Variants in MEGF11 observed in about 807,000 individuals in gnomAD.
MEGF11 encodes multiple EGF like domains 11, also known as multiple epidermal growth factor-like domains protein 11.
In MEGF11, 126 loss-of-function variants were observed where a neutral mutation model predicts 146.6. The ratio of observed to expected loss-of-function variants is 0.86; its 90% CI spans 0.74 to 1.00. MEGF11 has a LOEUF of 1.00. Among genes scored for constraint, MEGF11 ranks in the 50% least tolerant of loss-of-function variants. The pLI is 0.00. For missense variants in MEGF11, 1,509 were observed against 1,521.2 expected, an observed-to-expected ratio of 0.99 and a Z score of 0.13; for synonymous variants, 532 against 583.4, an observed-to-expected ratio of 0.91 and a Z score of 1.27.
chr15:65,957,167 T>G (rs1386473120), intron 10 of MEGF11, among the ~76,000 whole-genome samples: 1 of 152,132 alleles, frequency 6.6e-6, no homozygotes, highest in Non-Finnish European at 1.5e-5. Context: ...CCATTTAAAA[T>G]GATAATTAAG....
At chr15:66,023,552 C>T (rs1003791802) in intron 5 of MEGF11, among the ~76,000 whole-genome samples, 5 of 152,224 alleles carry the variant, frequency 3.3e-5, no homozygotes, top group Non-Finnish European at 7.3e-5. Flanking sequence ...TTATGAATCC[C>T]TCTTAGCTGG....
intron 5 of MEGF11, among the ~76,000 whole-genome samples, chr15:66,088,005 C>T (rs1459390748): frequency 6.6e-6 from 1 of 152,164 alleles, no homozygotes; most frequent in Non-Finnish European, 1.5e-5. Context: ...ACAACTGACG[C>T]CACAGAAATA....
chr15:66,218,258 G>A (rs2091637432), intron 1 of MEGF11, among the ~76,000 whole-genome samples: 1 of 152,172 alleles, frequency 6.6e-6, no homozygotes, highest in African/African-American at 2.4e-5. Flanking sequence ...GCTAACTGAT[G>A]AGTTGCCATT....
intron 1 of MEGF11, among the ~76,000 whole-genome samples, chr15:66,161,725 G>A (rs1419655442): frequency 3.3e-5 from 5 of 152,144 alleles, no homozygotes; most frequent in Admixed American, 3.3e-4. Context: ...TATGATTTAA[G>A]TGAGGATGAG....
At chr15:66,176,573 G>A (rs192484313) in intron 1 of MEGF11, among the ~76,000 whole-genome samples, 10 of 152,296 alleles carry the variant, frequency 6.6e-5, no homozygotes, top group Non-Finnish European at 1.5e-5. Context: ...AACTCAATGG[G>A]CACACACGGC....
At chr15:66,083,392 G>A (rs2085977248) in intron 5 of MEGF11, among the ~76,000 whole-genome samples, 1 of 152,150 alleles carries the variant, frequency 6.6e-6, no homozygotes, top group Admixed American at 6.5e-5. Context: ...AGAGTCTCTA[G>A]CAAAAGTCTT....
At chr15:66,205,247 C>A (rs1013773168) in intron 1 of MEGF11, among the ~76,000 whole-genome samples, 5 of 152,032 alleles carry the variant, frequency 3.3e-5, no homozygotes, top group African/African-American at 1.2e-4. Context: ...TTGCGATCAG[C>A]CTGGGCAATA....
At chr15:66,231,442 A>G (rs534488959) in intron 1 of MEGF11, among the ~76,000 whole-genome samples, 39 of 151,788 alleles carry the variant, frequency 2.6e-4, no homozygotes, top group African/African-American at 8.7e-4. Flanking sequence ...AAGAAGGCAC[A>G]TGAGGCCCTT....
intron 5 of MEGF11, among the ~76,000 whole-genome samples, chr15:66,086,147 A>G (rs1018316803): frequency 6.6e-6 from 1 of 152,202 alleles, no homozygotes; most frequent in African/African-American, 2.4e-5. Context: ...AAAGCCTCCA[A>G]GAAGTCTGGG....
At chr15:65,990,880 GA>G (rs1408475910) in intron 5 of MEGF11, among the ~76,000 whole-genome samples, 2 of 152,110 alleles carry the variant, frequency 1.3e-5, no homozygotes, top group Non-Finnish European at 2.9e-5. Flanking sequence ...GTGTTTGTAT[GA>G]AAAAGAAAAA....
At chr15:65,989,496 G>T (rs1424370500) in intron 5 of MEGF11, among the ~76,000 whole-genome samples, 1 of 152,240 alleles carries the variant, frequency 6.6e-6, no homozygotes, top group Non-Finnish European at 1.5e-5. Flanking sequence ...TCACGGGATT[G>T]CTCCTGAGTT....
At chr15:66,075,375 A>G (rs1227876721) in intron 5 of MEGF11, among the ~76,000 whole-genome samples, 2 of 152,208 alleles carry the variant, frequency 1.3e-5, no homozygotes, top group African/African-American at 4.8e-5. Context: ...TCCAGCAGAG[A>G]AATCAGAAGC....
chr15:65,905,291 A>G (rs1208942634), intron 24 of MEGF11: 1 of 152,228 alleles, frequency 6.6e-6, no homozygotes. Flanking sequence ...TGGTGATTTT[A>G]TTGGTTACTC....
At chr15:65,981,825 G>A (rs1166826520) in intron 6 of MEGF11, among the ~76,000 whole-genome samples, 2 of 152,278 alleles carry the variant, frequency 1.3e-5, no homozygotes, top group African/African-American at 2.4e-5. Flanking sequence ...TGTCCCAAAT[G>A]CCCTAGAAGG....
At chr15:66,195,493 T>A (rs981119088) in intron 1 of MEGF11, among the ~76,000 whole-genome samples, 5 of 152,066 alleles carry the variant, frequency 3.3e-5, no homozygotes, top group Admixed American at 6.5e-5. Flanking sequence ...GTGTGCAGGT[T>A]GTTTATTTGG....
chr15:66,216,068 G>A (rs754180050), intron 1 of MEGF11, among the ~76,000 whole-genome samples: 25 of 152,134 alleles, frequency 1.6e-4, no homozygotes, highest in Non-Finnish European at 2.6e-4. Context: ...CAGAACAGGC[G>A]CTCAGGCTGG....
chr15:65,959,560 C>G (rs771307627), intron 9 of MEGF11, among the ~76,000 whole-genome samples: 1 of 152,124 alleles, frequency 6.6e-6, no homozygotes, highest in Non-Finnish European at 1.5e-5. Context: ...GTCTTTAATA[C>G]TTTAATACTT....
intron 1 of MEGF11, among the ~76,000 whole-genome samples, chr15:66,138,412 A>G (rs1485727351): frequency 6.6e-6 from 1 of 152,260 alleles, no homozygotes. Flanking sequence ...TGATCTCACG[A>G]CACAGAAAAA....
rs543485459 is a variant in MEGF11 at position 66,130,074 on chromosome 15, A to C, written c.-8-1663T>G. On this transcript the variant is annotated intron_variant, in intron 1 of 25. Coordinates refer to ENST00000395614, the MANE Select transcript of MEGF11 (RefSeq NM_001385028.1). The stretch of plus-strand genomic sequence containing the variant: ...CTCCATCCCCAGAGACCCAATGAGC[A>C]CCTCAGAAGGCTCCACACAAACTGG... 4.6e-5 allele frequency among the ~76,000 whole-genome samples: 7 copies of C among 152,168 alleles called. No homozygotes were observed. The East Asian group carries it at 1.4e-3, about 29-fold the overall frequency.
Sources: gnomAD v4.1 joint callset for allele counts (sites outside exome capture counted in the v4.1 genomes callset) on GRCh38, gnomAD v4.1.1 for gene constraint, MANE v1.5 for transcripts, NCBI Gene and HGNC (gene_info 2026-07-23, HGNC 2026-07-21) for gene names.